The following LMO7 variants were observed in gnomAD, a reference collection of about 807,000 sequenced individuals.
LMO7 encodes the protein LIM domain only protein 7.
LMO7 carries 120 observed loss-of-function variants against 206.5 expected under a neutral mutation model. The ratio of observed to expected loss-of-function variants is 0.58; its 90% confidence interval spans 0.50 to 0.68. The LOEUF (loss-of-function observed/expected upper bound fraction) is 0.68. Ranked by LOEUF, LMO7 falls within the 30% of genes least tolerant of loss-of-function variation. The pLI is 0.00. For synonymous variants in LMO7, 706 were observed against 681.5 expected, an observed-to-expected ratio of 1.04 and a Z score of -0.56; for missense variants, 1,959 against 1,957.9, an observed-to-expected ratio of 1.00 and a Z score of -0.01.
intron 3 of LMO7, among the ~76,000 whole-genome samples, chr13:75,747,444 G>A (rs544078168): frequency 3.9e-5 from 6 of 152,318 alleles, no homozygotes; most frequent in Middle Eastern, 3.4e-3. Context: ...AGCACCCATA[G>A]CCTGTAACAC....
At chr13:75,715,919 GCTAT>G (rs1462490422) in intron 2 of LMO7, among the ~76,000 whole-genome samples, 1 of 152,150 alleles carries the variant, frequency 6.6e-6, no homozygotes, top group African/African-American at 2.4e-5. Flanking sequence ...AATATAGTAA[GCTAT>G]CTGTCTTTGA....
At chr13:75,650,841 A>T (rs374699251) in intron 1 of LMO7, among the ~76,000 whole-genome samples, 1 of 151,946 alleles carries the variant, frequency 6.6e-6, no homozygotes, top group Admixed American at 6.6e-5. Context: ...TCTTTGGGTC[A>T]TCTTACTAAT....
At position 75,838,147 on chromosome 13, in the gene LMO7, A is replaced by T; in HGVS notation, c.3402A>T (p.Glu1134Asp). 6.3e-7 allele frequency: 1 copy of T among 1,584,784 alleles called. No homozygotes were observed. Among genetic ancestry groups the T allele is most frequent in the South Asian group, 1.1e-5 (1 of 90,420 alleles). Reference sequence around the variant, plus strand: ...TATTTTTTTTTCAACTAGCATCTGAATCCATTTCTTTGAAAAACTTAAAAA... The same window carrying T: ...TATTTTTTTTTCAACTAGCATCTGATTCCATTTCTTTGAAAAACTTAAAAA... ...ESNAFESKASESISLKNLKRR... is the reference protein window; with the variant it reads ...ESNAFESKASDSISLKNLKRR... The change falls in exon 20 of 31, where the codon GAA becomes GAT. Residue 1134 changes from glutamate (E) to aspartate (D), a missense_variant. By Grantham distance (45) the Glu-to-Asp change is conservative (BLOSUM62 2). Transcript: ENST00000377534.
chr13:75,620,633 T>A (rs887811775), exon 1 of LMO7: 1 of 152,180 alleles, frequency 6.6e-6, no homozygotes, highest in Admixed American at 6.5e-5. Flanking sequence ...CTTATAGTGA[T>A]TTTCTAGAAC....
chr13:75,680,717 C>A (rs548623844), intron 1 of LMO7, among the ~76,000 whole-genome samples: 1 of 152,140 alleles, frequency 6.6e-6, no homozygotes, highest in African/African-American at 2.4e-5. Context: ...CTATCCCTCC[C>A]CTATCCCCCA....
intron 2 of LMO7, among the ~76,000 whole-genome samples, chr13:75,722,901 GT>G (rs903807244): frequency 9.2e-5 from 14 of 152,294 alleles, no homozygotes; most frequent in African/African-American, 3.4e-4. Context: ...ATTATTCTAA[GT>G]GAAGTAACTC....
intron 4 of LMO7, among the ~76,000 whole-genome samples, chr13:75,775,186 A>G (rs1467316987): frequency 6.6e-6 from 1 of 152,028 alleles, no homozygotes; most frequent in Non-Finnish European, 1.5e-5. Flanking sequence ...AGCCTTTAGT[A>G]TCTTTTAAAG....
At chr13:75,757,423 C>T (rs1161081881) in intron 3 of LMO7, among the ~76,000 whole-genome samples, 9 of 152,194 alleles carry the variant, frequency 5.9e-5, no homozygotes, top group African/African-American at 1.9e-4. Flanking sequence ...ATGTATTATG[C>T]ACCAATAGAT....
intron 6 of LMO7, among the ~76,000 whole-genome samples, chr13:75,798,218 A>C (rs1444148012): frequency 2.0e-5 from 3 of 152,240 alleles, no homozygotes; most frequent in African/African-American, 7.2e-5. Context: ...TAAAAATACA[A>C]AATTAGCTGT....
intron 15 of LMO7, among the ~76,000 whole-genome samples, chr13:75,825,543 C>G (rs996257824): frequency 2.0e-5 from 3 of 152,174 alleles, no homozygotes; most frequent in Admixed American, 6.5e-5. Context: ...ATTTATACTT[C>G]TTTGTTCCCA....
chr13:75,813,626 C>G lies in LMO7; in HGVS notation c.1947-3535C>G, dbSNP rs556866947. Among the ~76,000 whole-genome samples, 4 of 152,278 alleles carry G rather than the reference C, an allele frequency of 2.6e-5. No individual in the cohort carries two copies. The East Asian group carries it at 7.7e-4, about 29-fold the overall frequency. ...TGCCTTACACAGGGACTTGTCTACT[C>G]CAGAGTGTATTTGGTTCACTTTGTT... On this transcript the variant is annotated intron_variant, in intron 11 of 30. Coordinates refer to ENST00000377534, the MANE Select transcript of LMO7 (RefSeq NM_001306080.2).
intron 1 of LMO7, among the ~76,000 whole-genome samples, chr13:75,691,582 C>G (rs1419466794): frequency 6.6e-6 from 1 of 152,098 alleles, no homozygotes; most frequent in African/African-American, 2.4e-5. Flanking sequence ...GATGAACACT[C>G]CAGTGTTGAT....
At chr13:75,662,351 C>G (rs1255238766) in intron 1 of LMO7, among the ~76,000 whole-genome samples, 1 of 152,220 alleles carries the variant, frequency 6.6e-6, no homozygotes, top group Admixed American at 6.5e-5. Context: ...CAGAATCTCA[C>G]TCTGTCACCC....
At chr13:75,775,439 A>C (rs1049751471) in intron 4 of LMO7, among the ~76,000 whole-genome samples, 3 of 152,138 alleles carry the variant, frequency 2.0e-5, no homozygotes, top group Non-Finnish European at 4.4e-5. Flanking sequence ...AAACTCAACA[A>C]AACAAAAAAT....
rs550506268 is a variant in LMO7, at chr13:75,840,221, T to C, written c.3477+111T>C. 2.2e-6 allele frequency: 3 copies of C among 1,387,594 alleles called. No individual in the cohort carries two copies. The African/African-American group carries it at 4.3e-5, about 20-fold the overall frequency. 86.0% of individuals were successfully genotyped at this position (1,387,594 alleles called of 1,614,324 possible). A position where few individuals can be genotyped will look rare whatever the true frequency, so the allele number is the denominator to read the frequency against. ...GGTTGCATAAGAATTTATCAGAGAG[T>C]TATCCTTCCAAGTTGAAAAACTTAT... On this transcript the variant is annotated intron_variant, in intron 21 of 30. Transcript: ENST00000377534.
At chr13:75,709,686 A>T (rs1461232328) in intron 1 of LMO7, among the ~76,000 whole-genome samples, 2 of 151,990 alleles carry the variant, frequency 1.3e-5, no homozygotes, top group East Asian at 1.9e-4. Context: ...TTCATTGTAG[A>T]TTCTGGATAT....
chr13:75,691,636 A>G (rs886299891), intron 1 of LMO7, among the ~76,000 whole-genome samples: 2 of 152,074 alleles, frequency 1.3e-5, no homozygotes, highest in East Asian at 3.9e-4. Context: ...TTTCTCCTAT[A>G]GCCTTCCCCA....
intron 2 of LMO7, among the ~76,000 whole-genome samples, chr13:75,629,562 G>T (rs1045697265): frequency 9.9e-5 from 15 of 152,194 alleles, no homozygotes; most frequent in Non-Finnish European, 2.2e-4. Flanking sequence ...CTGGAAAAGG[G>T]AGAAGCACAG....
rs115657174 is a variant in LMO7, at chr13:75,774,284, T to C, written c.317+13246T>C. 6.0e-3 allele frequency among the ~76,000 whole-genome samples: 909 copies of C among 152,244 alleles called. 8 individuals carry two copies. The highest frequency in any genetic ancestry group is 0.02 in the African/African-American group (825 of 41,564). ...TTATAGTGTTGCTTTTTCTAGAATATCATATAAGAGGAGCATACAGTATGT... is the reference window on the plus strand; with the variant it reads ...TTATAGTGTTGCTTTTTCTAGAATACCATATAAGAGGAGCATACAGTATGT... On this transcript the variant is annotated intron_variant, in intron 4 of 30. Transcript: ENST00000377534.
Sources: allele counts gnomAD v4.1 joint callset (sites outside exome capture counted in the v4.1 genomes callset), GRCh38; gene constraint gnomAD v4.1.1; transcripts MANE v1.5; gene names NCBI Gene and HGNC (gene_info 2026-07-23, HGNC 2026-07-21).